The following THSD4 variants were observed in gnomAD, a reference collection of about 807,000 sequenced individuals.
The protein encoded by THSD4 is thrombospondin type-1 domain-containing protein 4.
Under a neutral mutation model 119.0 loss-of-function variants are expected in THSD4, and 69 were observed. The observed-to-expected ratio is 0.58, with a 90% CI of 0.48 to 0.71. The LOEUF is 0.71. Among genes scored for constraint, THSD4 ranks in the 30% least tolerant of loss-of-function variants. The pLI is 0.00. For missense variants in THSD4, 1,393 were observed against 1,391.1 expected (o/e 1.00, Z -0.02); for synonymous variants, 524 against 540.4 (o/e 0.97, Z 0.42).
intron 6 of THSD4, among the ~76,000 whole-genome samples, chr15:71,312,748 A>G (rs1320075481): frequency 6.6e-6 from 1 of 151,612 alleles, no homozygotes; most frequent in Non-Finnish European, 1.5e-5. Flanking sequence ...CCCACTCCCC[A>G]CTTCCCCACC....
intron 7 of THSD4, among the ~76,000 whole-genome samples, chr15:71,449,875 G>A (rs2047238811): frequency 6.6e-6 from 1 of 152,134 alleles, no homozygotes; most frequent in South Asian, 2.1e-4. Flanking sequence ...CTAGTTCCTT[G>A]GGTAGCTTTT....
At chr15:71,195,902 G>GAAACT (rs2043715279) in intron 3 of THSD4, among the ~76,000 whole-genome samples, 1 of 152,180 alleles carries the variant, frequency 6.6e-6, no homozygotes, top group African/African-American at 2.4e-5. Flanking sequence ...GACCAATGAG[G>GAAACT]AAACTAAGGC....
chr15:71,599,380 A>G (rs1204099522), intron 7 of THSD4, among the ~76,000 whole-genome samples: 2 of 152,102 alleles, frequency 1.3e-5, no homozygotes, highest in Non-Finnish European at 2.9e-5. Flanking sequence ...CTTCCTGTCT[A>G]ACTATTTTTT....
At chr15:71,216,852 C>T (rs1324718371) in intron 4 of THSD4, among the ~76,000 whole-genome samples, 1 of 152,206 alleles carries the variant, frequency 6.6e-6, no homozygotes, top group Non-Finnish European at 1.5e-5. Context: ...GGTTGGAGTG[C>T]AGTGGCACCA....
chr15:71,775,648 T>C (rs924542470), intron 17 of THSD4, among the ~76,000 whole-genome samples: 2 of 152,108 alleles, frequency 1.3e-5, no homozygotes, highest in Admixed American at 1.3e-4. Flanking sequence ...GAGGCAGAGA[T>C]TGCAATGAGC....
chr15:71,622,522 T>C, intron 7 of THSD4, among the ~76,000 whole-genome samples: 1 of 152,184 alleles, frequency 6.6e-6, no homozygotes, highest in South Asian at 2.1e-4. Flanking sequence ...TATGTCTCTT[T>C]ACTTCATTGC....
chr15:71,422,128 C>A (rs1012711813), intron 7 of THSD4, among the ~76,000 whole-genome samples: 1 of 152,170 alleles, frequency 6.6e-6, no homozygotes, highest in African/African-American at 2.4e-5. Flanking sequence ...GGTTACATAT[C>A]TCTTGTTTTT....
chr15:71,745,324 C>T, intron 12 of THSD4, 89 bp downstream of exon 12: 2 of 1,483,700 alleles, frequency 1.3e-6, no homozygotes, highest in Non-Finnish European at 1.8e-6. Flanking sequence ...ATAAGTCAGT[C>T]TAAATCTGAG....
At chr15:71,266,583 A>G (rs755092288) in intron 6 of THSD4, among the ~76,000 whole-genome samples, 1 of 152,072 alleles carries the variant, frequency 6.6e-6, no homozygotes, top group Non-Finnish European at 1.5e-5. Context: ...CTTGCCAGCA[A>G]GGGAACAAAA....
intron 1 of THSD4, among the ~76,000 whole-genome samples, chr15:71,099,779 A>G (rs1330687068): frequency 6.6e-6 from 1 of 152,172 alleles, no homozygotes. Flanking sequence ...AGCCTGGACA[A>G]CATGGTGAAA....
chr15:71,652,254 G>GT (rs1398518874), intron 7 of THSD4, among the ~76,000 whole-genome samples: 2 of 152,046 alleles, frequency 1.3e-5, no homozygotes, highest in Admixed American at 6.6e-5. Flanking sequence ...ATCCCACGTG[G>GT]TTTTTTCCTG....
chr15:71,129,661 C>T (rs973116878), intron 1 of THSD4, among the ~76,000 whole-genome samples: 1 of 152,184 alleles, frequency 6.6e-6, no homozygotes, highest in Non-Finnish European at 1.5e-5. Flanking sequence ...TGATTTTAGC[C>T]TTACCTAATA....
intron 7 of THSD4, among the ~76,000 whole-genome samples, chr15:71,519,854 C>T (rs2048414492): frequency 6.6e-6 from 1 of 152,154 alleles, no homozygotes; most frequent in Non-Finnish European, 1.5e-5. Flanking sequence ...ATCCTACCTC[C>T]AGGCCCTGGG....
chr15:71,698,221 G>A (rs907782900), intron 8 of THSD4, among the ~76,000 whole-genome samples: 2 of 152,160 alleles, frequency 1.3e-5, no homozygotes, highest in African/African-American at 4.8e-5. Context: ...TCAGTCTAGA[G>A]GAGAGACAGA....
chr15:71,510,578 T>C (rs2048266160), intron 7 of THSD4, among the ~76,000 whole-genome samples: 1 of 152,166 alleles, frequency 6.6e-6, no homozygotes, highest in East Asian at 1.9e-4. Context: ...GTGACCTGAA[T>C]ACAGCATGGG....
chr15:71,313,563 A>G (rs1172679554), intron 6 of THSD4, among the ~76,000 whole-genome samples: 1 of 152,216 alleles, frequency 6.6e-6, no homozygotes, highest in African/African-American at 2.4e-5. Context: ...ATGGGTTGAT[A>G]GGTGCAGCAA....
At chr15:71,101,956 C>T (rs1001757314) in intron 1 of THSD4, among the ~76,000 whole-genome samples, 17 of 152,050 alleles carry the variant, frequency 1.1e-4, no homozygotes, top group Non-Finnish European at 2.2e-4. Context: ...TCAGGTGATC[C>T]GCCCCCTTGG....
At chr15:71,111,365 TAG>T (rs1450173802), upstream of THSD4, 1 of 1,613,528 alleles carries the variant, frequency 6.2e-7, no homozygotes, top group Non-Finnish European at 8.5e-7. Flanking sequence ...ACAGGTCAAG[TAG>T]AGAGTCAGCC....
At chr15:71,464,977 T>C (rs1389513168) in intron 7 of THSD4, among the ~76,000 whole-genome samples, 1 of 152,166 alleles carries the variant, frequency 6.6e-6, no homozygotes. Context: ...AAGTAAGAAA[T>C]GCACATTTTA....
Sources: gnomAD v4.1 joint callset for allele counts (sites outside exome capture counted in the v4.1 genomes callset) on GRCh38, gnomAD v4.1.1 for gene constraint, MANE v1.5 for transcripts, NCBI Gene and HGNC (gene_info 2026-07-23, HGNC 2026-07-21) for gene names.